TENM3: variants seen among roughly 807,000 people sequenced by gnomAD.
The protein encoded by TENM3 is teneurin-3.
In TENM3, 63 loss-of-function variants were observed where a neutral mutation model predicts 255.1. The observed-to-expected ratio is 0.25, with a 90% CI of 0.20 to 0.30. TENM3 has a LOEUF of 0.30. Among genes scored for constraint, TENM3 ranks in the 10% least tolerant of loss-of-function variants. TENM3 has a pLI of 1.00. For synonymous variants in TENM3, 1,306 were observed against 1,322.3 expected (o/e 0.99, Z 0.27); for missense variants, 2,929 against 3,461.1 (o/e 0.85, Z 3.86).
chr4:181,885,116 G>A, the TENM3 span, among the ~76,000 whole-genome samples: 1 of 152,058 alleles, frequency 6.6e-6, no homozygotes, highest in Non-Finnish European at 1.5e-5. Flanking sequence ...TAATGTATAA[G>A]CACTACAAGT....
the TENM3 span, among the ~76,000 whole-genome samples, chr4:181,751,484 C>T: frequency 1.3e-5 from 2 of 151,240 alleles, no homozygotes; most frequent in Admixed American, 6.6e-5. Flanking sequence ...TACACTTCTT[C>T]TATGACCCAT....
intron 1 of TENM3, among the ~76,000 whole-genome samples, chr4:182,186,040 T>C (rs1753127123): frequency 2.4e-5 from 3 of 123,276 alleles, no homozygotes; most frequent in African/African-American, 9.8e-5. Flanking sequence ...AGGCTTCCTT[T>C]ATATATATAT....
the TENM3 span, among the ~76,000 whole-genome samples, chr4:181,648,299 G>C: frequency 6.6e-6 from 1 of 152,152 alleles, no homozygotes; most frequent in African/African-American, 2.4e-5. Flanking sequence ...CTGCTGCAAA[G>C]TTCGCACAAA....
the TENM3 span, among the ~76,000 whole-genome samples, chr4:181,815,227 G>A: frequency 4.6e-5 from 7 of 151,636 alleles, no homozygotes; most frequent in East Asian, 1.9e-4. Context: ...CAAGGGGGGC[G>A]GATCACCTGA....
chr4:181,974,267 G>A, the TENM3 span, among the ~76,000 whole-genome samples: 5 of 152,116 alleles, frequency 3.3e-5, no homozygotes, highest in Non-Finnish European at 7.4e-5. Flanking sequence ...TGGTCAAATA[G>A]CAAAAATGAA....
At chr4:181,721,331 C>T in the TENM3 span, among the ~76,000 whole-genome samples, 1 of 151,566 alleles carries the variant, frequency 6.6e-6, no homozygotes, top group East Asian at 1.9e-4. Context: ...TAAGTAGGCC[C>T]CTACCTCCAC....
chr4:182,113,916 T>C, the TENM3 span, among the ~76,000 whole-genome samples: 1 of 152,214 alleles, frequency 6.6e-6, no homozygotes, highest in African/African-American at 2.4e-5. Context: ...GATATACTCA[T>C]CATTTAATTT....
chr4:182,156,237 A>G (rs915533913), intron 1 of TENM3, among the ~76,000 whole-genome samples: 1 of 152,232 alleles, frequency 6.6e-6, no homozygotes, highest in African/African-American at 2.4e-5. Context: ...TATGCAGAAA[A>G]AAAGTCACTG....
intron 1 of TENM3, among the ~76,000 whole-genome samples, chr4:182,235,993 G>C (rs1431568810): frequency 1.3e-5 from 2 of 152,186 alleles, no homozygotes; most frequent in African/African-American, 4.8e-5. Flanking sequence ...TTTGATACAG[G>C]CAAGTGACAT....
chr4:181,906,673 T>G, the TENM3 span, among the ~76,000 whole-genome samples: 3 of 152,266 alleles, frequency 2.0e-5, no homozygotes, highest in South Asian at 2.1e-4. Context: ...GGCTGCAGAT[T>G]GGGAATCATC....
At chr4:182,769,441 A>C (rs980412984) in intron 22 of TENM3, among the ~76,000 whole-genome samples, 3 of 152,152 alleles carry the variant, frequency 2.0e-5, no homozygotes, top group African/African-American at 7.2e-5. Context: ...AAAAAAAAAA[A>C]ATGATGTGGA....
chr4:181,447,764 T>A, the TENM3 span, among the ~76,000 whole-genome samples: 1 of 152,168 alleles, frequency 6.6e-6, no homozygotes, highest in Non-Finnish European at 1.5e-5. Context: ...CTAGGAAGTC[T>A]GGGGAGCGGT....
At chr4:181,976,287 T>C in the TENM3 span, 2 of 152,226 alleles carry the variant, frequency 1.3e-5, no homozygotes, top group East Asian at 3.9e-4. Context: ...GCCCGGCTAG[T>C]TTTTGTATTT....
At chr4:181,720,803 G>GA in the TENM3 span, among the ~76,000 whole-genome samples, 17 of 148,706 alleles carry the variant, frequency 1.1e-4, no homozygotes, top group South Asian at 2.9e-3. Context: ...TTTTATTTTT[G>GA]AAAAAAAATG....
At chr4:182,360,698 A>G (rs1458479222) in intron 3 of TENM3, among the ~76,000 whole-genome samples, 1 of 151,972 alleles carries the variant, frequency 6.6e-6, no homozygotes, top group Non-Finnish European at 1.5e-5. Flanking sequence ...GTGTCTTTTA[A>G]TTGGAGCATT....
chr4:182,425,943 G>A (rs141639528), intron 3 of TENM3, among the ~76,000 whole-genome samples: 6 of 147,174 alleles, frequency 4.1e-5, no homozygotes, highest in African/African-American at 1.5e-4. Context: ...GGGAAGTGGA[G>A]GTTGCAGTGA....
Position 182,681,925 on chromosome 4 carries a change from C to T in TENM3, c.1946C>T (p.Pro649Leu), listed in dbSNP as rs1465737492. Residue 649 changes from proline (P) to leucine (L), a missense_variant, in exon 11 of 28, where the codon CCA becomes CTA. Physicochemically the swap from Pro to Leu is moderately conservative, Grantham distance 98 (BLOSUM62 -3). Coordinates refer to ENST00000511685, the MANE Select transcript of TENM3 (RefSeq NM_001080477.4). The part of the protein sequence containing the change: ...SNCEILKTMC[P>L]DQCSGHGTYL... ...TGTGAAATACTGAAGACCATGTGTC[C>T]AGACCAGTGCTCCGGCCACGGAACG... 20 of 1,613,864 alleles carry T rather than the reference C, an allele frequency of 1.2e-5. No homozygotes were observed. The highest frequency in any genetic ancestry group is 1.7e-5 in the Non-Finnish European group (20 of 1,179,892).
intron 4 of TENM3, among the ~76,000 whole-genome samples, chr4:182,625,544 A>G (rs1410472796): frequency 6.6e-6 from 1 of 152,146 alleles, no homozygotes; most frequent in Non-Finnish European, 1.5e-5. Context: ...CCCTGGTGCC[A>G]AAAACGTTGG....
chr4:181,981,557 A>G, the TENM3 span, among the ~76,000 whole-genome samples: 1 of 152,230 alleles, frequency 6.6e-6, no homozygotes, highest in Non-Finnish European at 1.5e-5. Context: ...TTCTACATAG[A>G]GAAACAAGTT....
Sources: gnomAD v4.1 joint callset for allele counts (sites outside exome capture counted in the v4.1 genomes callset) on GRCh38, gnomAD v4.1.1 for gene constraint, MANE v1.5 for transcripts, NCBI Gene and HGNC (gene_info 2026-07-23, HGNC 2026-07-21) for gene names.